The following ACOT11 variants were observed in gnomAD, a reference collection of about 807,000 sequenced individuals.
ACOT11 encodes the protein acyl-coenzyme A thioesterase 11.
ACOT11 carries 69 observed loss-of-function variants against 77.5 expected under a neutral mutation model. The observed-to-expected ratio is 0.89, with a 90% CI of 0.73 to 1.09. ACOT11 has a LOEUF of 1.09. Ranked by LOEUF, ACOT11 falls within the 50% of genes least tolerant of loss-of-function variation. The pLI, the probability that ACOT11 is intolerant of heterozygous loss-of-function variation, is 0.00. For synonymous variants in ACOT11, 279 were observed against 313.0 expected (o/e 0.89, Z 1.15); for missense variants, 766 against 813.7 (o/e 0.94, Z 0.71).
chr1:54,623,361 A>T (rs1244431244), intron 15 of ACOT11: 1 of 1,613,480 alleles, frequency 6.2e-7, no homozygotes, highest in Non-Finnish European at 8.5e-7. Context: ...CACCCACTTG[A>T]CCTGATTCTT....
intron 15 of ACOT11, chr1:54,616,184 G>T: frequency 1.9e-6 from 3 of 1,602,476 alleles, no homozygotes; most frequent in South Asian, 1.1e-5. Flanking sequence ...TGTGGAAGGG[G>T]CAACAACTCA....
chr1:54,615,949 G>T (rs1644168051), intron 15 of ACOT11: 1 of 1,520,946 alleles, frequency 6.6e-7, no homozygotes, highest in African/African-American at 1.4e-5. Context: ...TTCCCAGTGA[G>T]GGATCTCTGC....
intron 1 of ACOT11, among the ~76,000 whole-genome samples, chr1:54,568,076 C>T (rs1433222619): frequency 2.0e-5 from 3 of 152,186 alleles, no homozygotes; most frequent in South Asian, 2.1e-4. Flanking sequence ...CTTCCTCTGA[C>T]AGCCGGTCCC....
chr1:54,609,994 G>GTT lies in ACOT11; in HGVS notation c.*883_*884dup, dbSNP rs1644097742. 1.3e-6 allele frequency: 2 copies of GTT among 1,548,420 alleles called. No homozygotes were observed. The highest frequency in any genetic ancestry group is 1.7e-6 in the Non-Finnish European group (2 of 1,152,204). ...TTTAGGATTTGGGTTATCATAAGGT[G>GTT]TTAAGAGTCCCTTGTTAAAGGGGCA... is the stretch of plus-strand genomic sequence containing the variant. On this transcript the variant is annotated 3_prime_UTR_variant, in exon 16 of 16. Coordinates refer to ENST00000343744, the MANE Select transcript of ACOT11 (RefSeq NM_147161.4).
intron 3 of ACOT11, among the ~76,000 whole-genome samples, chr1:54,586,640 G>A (rs955816919): frequency 1.3e-5 from 2 of 152,042 alleles, no homozygotes; most frequent in Non-Finnish European, 2.9e-5. Flanking sequence ...CGCCATGTTG[G>A]CCAGGCTGGT....
At chr1:54,612,389 A>G (rs539049891), downstream of ACOT11, 62 of 858,948 alleles carry the variant, frequency 7.2e-5, no homozygotes, top group South Asian at 8.3e-4. Context: ...GGGTTGGACG[A>G]AATGACCTTT....
intron 1 of ACOT11, among the ~76,000 whole-genome samples, chr1:54,566,636 G>T (rs1021696349): frequency 1.2e-4 from 18 of 152,158 alleles, no homozygotes; most frequent in Non-Finnish European, 2.6e-4. Flanking sequence ...GGCTGGGCTG[G>T]GTGGTTTGTC....
At chr1:54,636,099 T>C (rs1165607401) in exon 17 of ACOT11, 1 of 152,262 alleles carries the variant, frequency 6.6e-6, no homozygotes, top group African/African-American at 2.4e-5. Context: ...GAAACAATGC[T>C]AATGACTGGT....
In ACOT11 at chr1:54,601,350, C is replaced by G; in HGVS notation, c.966C>G (p.Thr322=). 6.2e-7 allele frequency: 1 copy of G among 1,613,816 alleles called. No individual in the cohort carries two copies. Among genetic ancestry groups the G allele is most frequent in the South Asian group, 1.1e-5 (1 of 91,086 alleles). The change falls in exon 9 of 16, where the codon ACC becomes ACG. Residue 322 remains threonine (T), a synonymous_variant. Transcript: ENST00000343744. The part of the protein sequence containing the change: ...HRRHINSAFM[T]FVVLDADDQP... ...GCCACATCAACAGTGCCTTTATGAC[C>G]TTTGTGGTCCTGGACGCAGATGACC...
rs757674465 is a variant in ACOT11 at position 54,548,361 on chromosome 1, G to C, written c.33+19G>C. ...GCGACGGGTATGGAGGGTGGGCTGG[G>C]GCAGCGGGAGGGCTCTGGAAGCTGG... On this transcript the variant is annotated intron_variant, in intron 1 of 15. Transcript: ENST00000343744. 5.9e-5 allele frequency: 95 copies of C among 1,598,378 alleles called. No individual in the cohort carries two copies. In the South Asian group the frequency reaches 1.1e-3, roughly 18 times the overall value.
Position 54,556,304 on chromosome 1 carries a change from G to A in ACOT11, c.33+7962G>A, listed in dbSNP as rs941977507. Among the ~76,000 whole-genome samples, 10 of 152,224 alleles carry A rather than the reference G, an allele frequency of 6.6e-5. No individual in the cohort carries two copies. In the East Asian group the frequency reaches 9.7e-4, roughly 15 times the overall value. ...TTAATGTAGCTTTGTAGTATATTTC[G>A]AAATCAGGTAGTACAGTATGATGCC... On this transcript the variant is annotated intron_variant, in intron 1 of 15. Coordinates refer to ENST00000343744, the MANE Select transcript of ACOT11 (RefSeq NM_147161.4).
Position 54,607,209 on chromosome 1 carries a change from C to A in ACOT11, c.1446C>A (p.His482Gln), listed in dbSNP as rs901084397. ...YHVTSPALGG[H>Q]TKPQDFVILA... ...TCACCAGCCCTGCCCTCGGAGGTCA[C>A]ACAAAGCCCCAGGACTTCGTGATCC... Residue 482 changes from histidine to glutamine, a missense_variant, in exon 14 of 16, where the codon CAC (histidine) becomes CAA (glutamine). His to Gln is a conservative substitution (Grantham distance 24, BLOSUM62 0). Transcript: ENST00000343744. The surrounding 1 kb of genome is among the most constrained non-coding windows in gnomAD (Gnocchi z 4.5). The A allele has an allele frequency of 3.7e-6, 6 of 1,614,214 alleles. No homozygotes were observed. The Admixed American group carries it at 1.0e-4, about 27-fold the overall frequency.
rs34730286 is a variant in ACOT11, at chr1:54,622,275, CAA to C, written c.1630-8437_1630-8436del. 2.7e-3 allele frequency among the ~76,000 whole-genome samples: 125 copies of C among 45,916 alleles called. 1 individual carries two copies. Among genetic ancestry groups the C allele is most frequent in the South Asian group, 6.1e-3 (7 of 1,154 alleles). The allele number at this position is 45,916 out of a possible 152,430, so 30.1% of individuals were successfully genotyped here. On this transcript the variant is annotated intron_variant, in intron 15 of 16. Transcript: ENST00000371316. Reference sequence around the variant, plus strand: ...TGAGTGACAGAGTGAGACTCTGTCTCAAAAAAAAAAAAAAAAAAAAAAAGGCC... The same window carrying C: ...TGAGTGACAGAGTGAGACTCTGTCTCAAAAAAAAAAAAAAAAAAAAAGGCC...
chr1:54,630,800 G>C (rs750295708), exon 16 of ACOT11: 2 of 770,018 alleles, frequency 2.6e-6, no homozygotes, highest in Middle Eastern at 2.6e-4. Context: ...CTGGGGGCTC[G>C]AATCCAGGTC....
Position 54,603,840 on chromosome 1 carries a change from G to A in ACOT11, c.1086-31G>A, listed in dbSNP as rs535652511. 8 of 1,609,090 alleles carry A rather than the reference G, an allele frequency of 5.0e-6. No homozygotes were observed. In the East Asian group the frequency reaches 1.6e-4, roughly 31 times the overall value. On this transcript the variant is annotated intron_variant, in intron 10 of 15. Coordinates refer to ENST00000343744, the MANE Select transcript of ACOT11 (RefSeq NM_147161.4). ...TGTGGAAAGTGCTGAACTTCCAGGG[G>A]ACCAAGGTTGTCATCTTCTCTCCTT... is the stretch of plus-strand genomic sequence containing the variant.
intron 12 of ACOT11, among the ~76,000 whole-genome samples, chr1:54,604,821 G>A (rs537756283): frequency 6.6e-6 from 1 of 152,310 alleles, no homozygotes; most frequent in Admixed American, 6.5e-5. Flanking sequence ...TGTGCCACTG[G>A]GGCTTGGATG....
In ACOT11 at chr1:54,568,090, G is replaced by A. The variant is rs146056659; in HGVS notation, c.34-16565G>A. On this transcript the variant is annotated intron_variant, in intron 1 of 15. Transcript: ENST00000343744. Reference sequence around the variant, plus strand: ...TCTTCCTCTGACAGCCGGTCCCTGCGCTTCCTTGGGGTTTTTGCACTGTCT... The same window carrying A: ...TCTTCCTCTGACAGCCGGTCCCTGCACTTCCTTGGGGTTTTTGCACTGTCT... 4.3e-3 allele frequency among the ~76,000 whole-genome samples: 649 copies of A among 152,188 alleles called. 6 individuals carry two copies. The highest frequency in any genetic ancestry group is 0.015 in the African/African-American group (619 of 41,512).
At chr1:54,576,419 C>G (rs542359085) in intron 1 of ACOT11, among the ~76,000 whole-genome samples, 55 of 148,758 alleles carry the variant, frequency 3.7e-4, no homozygotes, top group African/African-American at 1.4e-3. Context: ...ATCACTGGAG[C>G]CTGGGAGGTG....
chr1:54,623,345 G>C, intron 15 of ACOT11: 1 of 1,613,898 alleles, frequency 6.2e-7, no homozygotes, highest in Non-Finnish European at 8.5e-7. Context: ...AGGTAATGCC[G>C]GCAAACACCC....
Sources: gnomAD v4.1 joint callset for allele counts (sites outside exome capture counted in the v4.1 genomes callset) on GRCh38, gnomAD v4.1.1 for gene constraint, Gnocchi (gnomAD v3.1) non-coding constraint, MANE v1.5 for transcripts, NCBI Gene and HGNC (gene_info 2026-07-23, HGNC 2026-07-21) for gene names.